Variants in CSMD1 observed in about 807,000 individuals in gnomAD.
The protein encoded by CSMD1 is CUB and sushi domain-containing protein 1.
A neutral mutation model predicts 417.5 loss-of-function variants in CSMD1; 213 were observed. That is an observed-to-expected ratio of 0.51 (90% CI 0.46 to 0.57). CSMD1 has a LOEUF of 0.57. Ranked by LOEUF, CSMD1 falls within the 20% of genes least tolerant of loss-of-function variation. The pLI, the probability that CSMD1 is intolerant of heterozygous loss-of-function variation, is 0.00. For synonymous variants in CSMD1, 2,862 were observed against 1,736.8 expected (o/e 1.65, Z -16.11); for missense variants, 6,923 against 4,529.7 (o/e 1.53, Z -15.17).
chr8:3,347,052 C>G (rs981499342), intron 22 of CSMD1, among the ~76,000 whole-genome samples: 113 of 152,264 alleles, frequency 7.4e-4, no homozygotes, highest in African/African-American at 2.6e-3. Context: ...ATAAAATGCA[C>G]TAACACTAAA....
chr8:4,062,808 G>A (rs746608297), intron 3 of CSMD1, among the ~76,000 whole-genome samples: 8 of 151,868 alleles, frequency 5.3e-5, no homozygotes, highest in East Asian at 3.9e-4. Context: ...TCAGCATCAC[G>A]GATGTCTGAC....
intron 25 of CSMD1, among the ~76,000 whole-genome samples, chr8:3,298,593 A>G (rs1162664227): frequency 6.6e-6 from 1 of 152,186 alleles, no homozygotes; most frequent in Non-Finnish European, 1.5e-5. Flanking sequence ...AGCTGGGATT[A>G]TAGGCGTGTG....
intron 1 of CSMD1, among the ~76,000 whole-genome samples, chr8:4,790,023 G>A (rs12675866): frequency 0.07 from 10,654 of 152,184 alleles, 461 homozygotes; most frequent in East Asian, 0.22. Context: ...GTGATGAAAA[G>A]GAATCCAGGA....
chr8:3,267,058 A>G (rs1045188792), intron 26 of CSMD1, among the ~76,000 whole-genome samples: 5 of 152,186 alleles, frequency 3.3e-5, no homozygotes, highest in African/African-American at 1.2e-4. Flanking sequence ...GAGCATATTT[A>G]CATACAAGAA....
At chr8:4,272,983 A>G (rs1432860750) in intron 3 of CSMD1, among the ~76,000 whole-genome samples, 2 of 152,206 alleles carry the variant, frequency 1.3e-5, no homozygotes, top group Non-Finnish European at 2.9e-5. Flanking sequence ...GGAAAACCAC[A>G]TGCTTAAAAC....
chr8:4,820,400 T>A (rs1486934616), intron 1 of CSMD1, among the ~76,000 whole-genome samples: 1 of 152,162 alleles, frequency 6.6e-6, no homozygotes, highest in East Asian at 1.9e-4. Context: ...AGAGCTTGCT[T>A]GGCAATTAAA....
intron 5 of CSMD1, among the ~76,000 whole-genome samples, chr8:3,755,967 C>T (rs371660313): frequency 6.6e-6 from 1 of 152,008 alleles, no homozygotes; most frequent in Non-Finnish European, 1.5e-5. Flanking sequence ...AGGCCACATA[C>T]TTATTTGCCT....
rs546985605 is a variant in CSMD1, at chr8:2,955,692, G to C, written c.9891C>G (p.Thr3297=). Residue 3297 remains threonine (T), a synonymous_variant, in exon 64 of 70, where the codon ACC becomes ACG. Transcript: ENST00000635120. ...RAIDLPTFGY[T]LVYTCHPGFF... is the part of the protein sequence containing the mutation. ...AGCCTGGATGGCAGGTGTACACTAA[G>C]GTGTAGCCGAAAGTAGGAAGATCGA... 17 of 1,613,940 alleles carry C rather than the reference G, an allele frequency of 1.1e-5. No homozygotes were observed. The highest frequency in any genetic ancestry group is 2.2e-5 in the East Asian group (1 of 44,876).
In CSMD1 at chr8:3,201,612, C is replaced by G. The variant is rs1796997356; in HGVS notation, c.5098G>C (p.Gly1700Arg). 2 of 1,583,882 alleles carry G rather than the reference C, an allele frequency of 1.3e-6. No individual in the cohort carries two copies. The highest frequency in any genetic ancestry group is 8.6e-7 in the Non-Finnish European group (1 of 1,161,050). The change falls in exon 32 of 70, where the codon GGG becomes CGG. Residue 1700 changes from glycine (G) to arginine (R), a missense_variant and splice_region_variant. Coordinates refer to ENST00000635120, the MANE Select transcript of CSMD1 (RefSeq NM_033225.6). ...AAGGGCAAAATTCTTTAAGACTTACCTGAGTGAGACCCCGAGAGTGAGCTG... is the reference window on the plus strand; with the variant it reads ...AAGGGCAAAATTCTTTAAGACTTACGTGAGTGAGACCCCGAGAGTGAGCTG... ...LLSSLSGSHSGETLPLATSNQ... is the reference protein window; with the variant it reads ...LLSSLSGSHSRETLPLATSNQ...
intron 12 of CSMD1, among the ~76,000 whole-genome samples, chr8:3,428,615 CTT>C (rs1315506756): frequency 6.6e-6 from 1 of 152,100 alleles, no homozygotes; most frequent in Non-Finnish European, 1.5e-5. Flanking sequence ...GAGGGTGGAA[CTT>C]AGTACAGCCA....
intron 1 of CSMD1, among the ~76,000 whole-genome samples, chr8:4,750,496 G>C (rs896125377): frequency 1.3e-5 from 2 of 152,032 alleles, no homozygotes; most frequent in Non-Finnish European, 2.9e-5. Flanking sequence ...TAATTTCATA[G>C]TCATTATTAT....
chr8:4,656,915 C>T (rs1351307470), intron 1 of CSMD1, among the ~76,000 whole-genome samples: 2 of 152,036 alleles, frequency 1.3e-5, no homozygotes, highest in Non-Finnish European at 2.9e-5. Flanking sequence ...CTGGGGGCGG[C>T]CTGAAACACT....
intron 23 of CSMD1, among the ~76,000 whole-genome samples, chr8:3,314,792 G>A (rs771812354): frequency 9.2e-5 from 14 of 152,130 alleles, no homozygotes; most frequent in Non-Finnish European, 1.5e-4. Context: ...CTTGCTTTTA[G>A]CTTTCAAGTA....
At chr8:4,027,813 G>A (rs564319567) in intron 4 of CSMD1, among the ~76,000 whole-genome samples, 4 of 150,118 alleles carry the variant, frequency 2.7e-5, no homozygotes, top group African/African-American at 9.8e-5. Context: ...CAAGACACTT[G>A]AAATGAAGAG....
At chr8:3,471,542 T>A (rs1817100443) in intron 11 of CSMD1, among the ~76,000 whole-genome samples, 1 of 147,388 alleles carries the variant, frequency 6.8e-6, no homozygotes, top group African/African-American at 2.5e-5. Flanking sequence ...CCTTCCTTCA[T>A]CCCTCCCTCC....
intron 1 of CSMD1, among the ~76,000 whole-genome samples, chr8:4,765,180 G>A (rs1463896005): frequency 6.6e-6 from 1 of 151,978 alleles, no homozygotes; most frequent in East Asian, 1.9e-4. Context: ...TTATTTTTTA[G>A]AAACTGTGTT....
chr8:4,261,419 A>G (rs1460592956), intron 3 of CSMD1, among the ~76,000 whole-genome samples: 1 of 152,172 alleles, frequency 6.6e-6, no homozygotes, highest in Non-Finnish European at 1.5e-5. Context: ...GAGAGGGGAA[A>G]TGGGGAATAA....
In CSMD1 at chr8:4,052,099, T is replaced by C. The variant is rs528047749; in HGVS notation, c.416-20000A>G. Among the ~76,000 whole-genome samples the C allele has an allele frequency of 5.9e-5, 9 of 152,082 alleles. No individual in the cohort carries two copies. The East Asian group carries it at 1.7e-3, about 30-fold the overall frequency. ...TAAATACCCAGCTAATTTCTGTATT[T>C]TTAAAAATAGAGACAGGGTTTCACC... On this transcript the variant is annotated intron_variant, in intron 3 of 69. Transcript: ENST00000635120.
In CSMD1 at chr8:3,310,768, CG is replaced by C. The variant is rs562560351; in HGVS notation, c.3632-2266del. Among the ~76,000 whole-genome samples the C allele has an allele frequency of 2.5e-3, 378 of 152,228 alleles. 1 individual carries two copies. Among genetic ancestry groups the C allele is most frequent in the African/African-American group, 8.7e-3 (363 of 41,532 alleles). ...TGAAGAACAAAGCTGTGAATGGCAG[CG>C]GGGCCAGGAAACTGTGGGGTTCTGC... On this transcript the variant is annotated intron_variant, in intron 23 of 69. Transcript: ENST00000635120.
Sources: gnomAD v4.1 joint callset for allele counts (sites outside exome capture counted in the v4.1 genomes callset) on GRCh38, gnomAD v4.1.1 for gene constraint, MANE v1.5 for transcripts, NCBI Gene and HGNC (gene_info 2026-07-23, HGNC 2026-07-21) for gene names.